Variants in CLVS1 observed in about 807,000 individuals in gnomAD.
CLVS1 encodes the protein clavesin-1.
In CLVS1, 10 loss-of-function variants were observed where a neutral mutation model predicts 33.1. The ratio of observed to expected loss-of-function variants is 0.30; its 90% CI spans 0.19 to 0.51. The LOEUF (loss-of-function observed/expected upper bound fraction) is 0.51. CLVS1 is among the 20% of genes least tolerant of loss of function. The pLI, the probability that CLVS1 is intolerant of heterozygous loss-of-function variation, is 0.97. For synonymous variants in CLVS1, 163 were observed against 166.1 expected, an observed-to-expected ratio of 0.98 and a Z score of 0.14; for missense variants, 343 against 433.4, an observed-to-expected ratio of 0.79 and a Z score of 1.85.
At chr8:61,410,066 G>GT (rs201195565) in intron 3 of CLVS1, among the ~76,000 whole-genome samples, 48,128 of 107,720 alleles carry the variant, frequency 0.45, 12,317 homozygotes, top group Non-Finnish European at 0.58. Flanking sequence ...ACTTGCAGAG[G>GT]TTTTTTTTTT....
chr8:61,418,991 G>T lies in CLVS1; in HGVS notation c.631-35150G>T, dbSNP rs368026006. Among the ~76,000 whole-genome samples the T allele has an allele frequency of 4.5e-3, 688 of 152,292 alleles. 6 individuals carry two copies. The highest frequency in any genetic ancestry group is 0.016 in the African/African-American group (666 of 41,556). On this transcript the variant is annotated intron_variant, in intron 3 of 5. Coordinates refer to ENST00000325897, the MANE Select transcript of CLVS1 (RefSeq NM_173519.3). Reference sequence around the variant, plus strand: ...CCCTAGAACCAAGTACACTGGCCTGGCACAAAGTGGCCAATAAATATGGGA... The same window carrying T: ...CCCTAGAACCAAGTACACTGGCCTGTCACAAAGTGGCCAATAAATATGGGA...
intron 2 of CLVS1, among the ~76,000 whole-genome samples, chr8:61,266,793 A>G (rs1240805305): frequency 2.0e-5 from 3 of 152,232 alleles, no homozygotes; most frequent in Non-Finnish European, 4.4e-5. Flanking sequence ...TTTATTTGAC[A>G]GTCCCCAGTG....
intron 2 of CLVS1, among the ~76,000 whole-genome samples, chr8:61,372,966 A>G (rs960038134): frequency 2.0e-5 from 3 of 152,230 alleles, no homozygotes; most frequent in African/African-American, 7.2e-5. Flanking sequence ...TCCACTGTAC[A>G]GTAACTCTTC....
chr8:61,301,596 C>T (rs1810437360), intron 2 of CLVS1, among the ~76,000 whole-genome samples: 2 of 152,104 alleles, frequency 1.3e-5, no homozygotes, highest in South Asian at 4.2e-4. Context: ...CTCATTTAAC[C>T]CACCTGAGAA....
At chr8:61,429,704 T>C (rs964513752) in intron 3 of CLVS1, among the ~76,000 whole-genome samples, 2 of 152,228 alleles carry the variant, frequency 1.3e-5, no homozygotes, top group African/African-American at 4.8e-5. Flanking sequence ...TCATAGCTAA[T>C]ACTTAAAGCC....
chr8:61,343,759 A>G (rs1435946205), intron 2 of CLVS1, among the ~76,000 whole-genome samples: 1 of 152,134 alleles, frequency 6.6e-6, no homozygotes, highest in Non-Finnish European at 1.5e-5. Flanking sequence ...CTCAGGGGAC[A>G]CCTCTTAGAG....
chr8:61,501,076 C>G lies in CLVS1; in HGVS notation c.*1534C>G, dbSNP rs1804818546. On this transcript the variant is annotated 3_prime_UTR_variant, in exon 6 of 6. Coordinates refer to ENST00000325897, the MANE Select transcript of CLVS1 (RefSeq NM_173519.3). Reference sequence around the variant, plus strand: ...AGAATTAAAAATATTTCTCAAACAACTGTATCACAATATAAATTAAACTAA... The same window carrying G: ...AGAATTAAAAATATTTCTCAAACAAGTGTATCACAATATAAATTAAACTAA... The G allele has an allele frequency of 6.6e-6, 1 of 151,660 alleles. No homozygotes were observed. Among genetic ancestry groups the G allele is most frequent in the African/African-American group, 2.4e-5 (1 of 41,026 alleles). The allele number at this position is 151,660 out of a possible 1,614,324, so 9.4% of individuals were successfully genotyped here.
chr8:61,199,123 A>G (rs1807675783), intron 2 of CLVS1, among the ~76,000 whole-genome samples: 1 of 152,170 alleles, frequency 6.6e-6, no homozygotes, highest in Admixed American at 6.5e-5. Flanking sequence ...GCCTATTTTT[A>G]GTTCTTTGAG....
intron 3 of CLVS1, among the ~76,000 whole-genome samples, chr8:61,398,799 G>A (rs1007235757): frequency 6.6e-6 from 1 of 152,112 alleles, no homozygotes; most frequent in African/African-American, 2.4e-5. Flanking sequence ...AGAACATGTG[G>A]TATATGGTTT....
At chr8:61,138,648 G>T (rs1461044493) in intron 2 of CLVS1, among the ~76,000 whole-genome samples, 3 of 151,742 alleles carry the variant, frequency 2.0e-5, no homozygotes, top group African/African-American at 2.4e-5. Context: ...GGGGATAGGG[G>T]TCCAGTGGGT....
chr8:61,322,516 T>C (rs1811230312), intron 2 of CLVS1, among the ~76,000 whole-genome samples: 1 of 152,160 alleles, frequency 6.6e-6, no homozygotes, highest in South Asian at 2.1e-4. Flanking sequence ...TTTGCTTAAG[T>C]AGTAAACCTT....
intron 5 of CLVS1, among the ~76,000 whole-genome samples, chr8:61,490,110 G>A (rs1007276499): frequency 1.3e-5 from 2 of 151,956 alleles, no homozygotes; most frequent in Admixed American, 1.3e-4. Context: ...GAGATCGGGA[G>A]TTCAAGACTA....
At chr8:61,104,401 C>G (rs554611642) in intron 1 of CLVS1, among the ~76,000 whole-genome samples, 1 of 152,106 alleles carries the variant, frequency 6.6e-6, no homozygotes, top group African/African-American at 2.4e-5. Flanking sequence ...CTTGCAGTAG[C>G]CAGAAGTGAT....
chr8:61,226,561 G>A (rs1430199473), intron 2 of CLVS1, among the ~76,000 whole-genome samples: 1 of 152,232 alleles, frequency 6.6e-6, no homozygotes, highest in Non-Finnish European at 1.5e-5. Context: ...TAGTGAAGAA[G>A]TATTAAATCC....
chr8:61,138,500 GT>G (rs1165926817), intron 2 of CLVS1, among the ~76,000 whole-genome samples: 5 of 152,116 alleles, frequency 3.3e-5, no homozygotes, highest in African/African-American at 4.8e-5. Context: ...GCCAGGCACT[GT>G]TTTAAGCGTT....
At chr8:61,443,114 A>G (rs1366434210) in intron 3 of CLVS1, among the ~76,000 whole-genome samples, 4 of 152,164 alleles carry the variant, frequency 2.6e-5, no homozygotes, top group Non-Finnish European at 5.9e-5. Flanking sequence ...TTGAGAGCTT[A>G]TTATATATTC....
intron 1 of CLVS1, among the ~76,000 whole-genome samples, chr8:61,106,502 A>C (rs1250308356): frequency 2.0e-5 from 3 of 152,238 alleles, no homozygotes; most frequent in African/African-American, 7.2e-5. Flanking sequence ...GTGGGGCAGC[A>C]AACAATAAGG....
At chr8:61,206,507 C>G (rs1054572229) in intron 2 of CLVS1, among the ~76,000 whole-genome samples, 34 of 152,282 alleles carry the variant, frequency 2.2e-4, no homozygotes, top group Middle Eastern at 3.4e-3. Context: ...GGAAGCCTTC[C>G]TTAACTCTCT....
At chr8:60,980,615 G>A in the CLVS1 span, among the ~76,000 whole-genome samples, 2 of 152,076 alleles carry the variant, frequency 1.3e-5, no homozygotes, top group African/African-American at 2.4e-5. Flanking sequence ...GTGAAACCTC[G>A]CCTCCACTAA....
Sources: gnomAD v4.1 joint callset for allele counts (sites outside exome capture counted in the v4.1 genomes callset) on GRCh38, gnomAD v4.1.1 for gene constraint, MANE v1.5 for transcripts, NCBI Gene and HGNC (gene_info 2026-07-23, HGNC 2026-07-21) for gene names.